CACNA1A: variants seen among roughly 807,000 people sequenced by gnomAD.
CACNA1A encodes the protein calcium voltage-gated channel subunit alpha1 A.
CACNA1A carries 57 observed loss-of-function variants against 262.4 expected under a neutral mutation model. The ratio of observed to expected loss-of-function variants is 0.22; its 90% CI spans 0.18 to 0.27. The LOEUF is 0.27. Among genes scored for constraint, CACNA1A ranks in the 10% least tolerant of loss-of-function variants. The pLI is 1.00. For synonymous variants in CACNA1A, 1,431 were observed against 1,419.3 expected (o/e 1.01, Z -0.18); for missense variants, 2,526 against 3,562.8 (o/e 0.71, Z 7.41).
chr19:13,442,500 G>A (rs78245086), intron 3 of CACNA1A, among the ~76,000 whole-genome samples: 3,495 of 152,286 alleles, frequency 0.023, 129 homozygotes, highest in African/African-American at 0.078. Context: ...GAACTTAGAC[G>A]TAAGCTAGGT....
rs114862428 is a variant in CACNA1A at position 13,459,123 on chromosome 19, C to T, written c.294-3911G>A. 4.9e-3 allele frequency among the ~76,000 whole-genome samples: 753 copies of T among 152,190 alleles called. 8 individuals carry two copies. Among genetic ancestry groups the T allele is most frequent in the African/African-American group, 0.016 (668 of 41,516 alleles). On this transcript the variant is annotated intron_variant, in intron 1 of 46. Transcript: ENST00000360228. ...GTGTCCCCTGGGGGCACTGAAATCC[C>T]GCATTCTGTAGAGAGATCAATTAGT...
At chr19:13,287,856 G>T (rs145603306) in intron 19 of CACNA1A, among the ~76,000 whole-genome samples, 2 of 149,638 alleles carry the variant, frequency 1.3e-5, no homozygotes, top group Non-Finnish European at 3.0e-5. Flanking sequence ...AGGCTGGAGA[G>T]CAGTGGCAGG....
At chr19:13,407,516 T>C (rs1310892092) in intron 3 of CACNA1A, among the ~76,000 whole-genome samples, 1 of 152,220 alleles carries the variant, frequency 6.6e-6, no homozygotes, top group Non-Finnish European at 1.5e-5. Context: ...AGCACTTGTA[T>C]ACAGTAGACA....
intron 1 of CACNA1A, among the ~76,000 whole-genome samples, chr19:13,481,952 T>C (rs1979372915): frequency 6.6e-6 from 1 of 152,034 alleles, no homozygotes; most frequent in Non-Finnish European, 1.5e-5. Context: ...AGACCCCCAC[T>C]ATCTCAGTTC....
intron 30 of CACNA1A, among the ~76,000 whole-genome samples, chr19:13,249,462 C>T (rs1363033051): frequency 6.6e-6 from 1 of 152,136 alleles, no homozygotes; most frequent in Non-Finnish European, 1.5e-5. Context: ...CTGAATCCAT[C>T]CTCTCACCTC....
At chr19:13,331,329 C>T (rs1219661065) in intron 9 of CACNA1A, among the ~76,000 whole-genome samples, 5 of 151,196 alleles carry the variant, frequency 3.3e-5, no homozygotes, top group African/African-American at 1.2e-4. Context: ...TTCCGTCTCC[C>T]AGGTTCAAGC....
At chr19:13,490,475 T>C (rs1342089390) in intron 1 of CACNA1A, among the ~76,000 whole-genome samples, 3 of 152,042 alleles carry the variant, frequency 2.0e-5, no homozygotes, top group African/African-American at 7.2e-5. Flanking sequence ...TGGTGGCGCG[T>C]GCCTGTAGTC....
At chr19:13,244,955 G>A in intron 31 of CACNA1A, 1 of 580,382 alleles carries the variant, frequency 1.7e-6, no homozygotes, top group Non-Finnish European at 3.1e-6. Context: ...ACCCCTCAGT[G>A]CTGGCCCTAC....
chr19:13,280,933 T>C (rs1162061803), intron 22 of CACNA1A, among the ~76,000 whole-genome samples: 16 of 81,566 alleles, frequency 2.0e-4, no homozygotes, highest in African/African-American at 5.8e-4. Flanking sequence ...AGAGCAAGAC[T>C]CCATCTCAAA....
intron 19 of CACNA1A, among the ~76,000 whole-genome samples, chr19:13,294,510 T>TTTTTTTTTTTTTTTTA (rs2057620485): frequency 7.1e-6 from 1 of 140,124 alleles, no homozygotes; most frequent in African/African-American, 2.6e-5. Context: ...TTTTTTTTTT[T>TTTTTTTTTTTTTTTTA]GAGACAGAGT....
intron 3 of CACNA1A, among the ~76,000 whole-genome samples, chr19:13,373,712 AAC>A (rs2059360993): frequency 6.6e-6 from 1 of 152,210 alleles, no homozygotes; most frequent in East Asian, 1.9e-4. Flanking sequence ...ATCCTAAACT[AAC>A]ACAAAGCAAG....
intron 34 of CACNA1A, chr19:13,234,716 G>A (rs916705960): frequency 2.7e-5 from 15 of 555,008 alleles, no homozygotes; most frequent in Non-Finnish European, 1.9e-5. Flanking sequence ...CCTATCGGAA[G>A]AGAAGGCCGG....
chr19:13,369,589 TGA>T (rs1233931269), intron 4 of CACNA1A, among the ~76,000 whole-genome samples: 4 of 152,198 alleles, frequency 2.6e-5, no homozygotes, highest in African/African-American at 9.6e-5. Context: ...TACGATTAGA[TGA>T]GAGAGTTCAC....
intron 3 of CACNA1A, among the ~76,000 whole-genome samples, chr19:13,413,490 T>G (rs549872125): frequency 1.3e-5 from 2 of 148,352 alleles, no homozygotes; most frequent in Non-Finnish European, 3.0e-5. Flanking sequence ...GAGGATCCCT[T>G]GAGCCCAGGA....
intron 19 of CACNA1A, among the ~76,000 whole-genome samples, chr19:13,291,317 C>T (rs1327487183): frequency 1.3e-5 from 2 of 151,910 alleles, no homozygotes; most frequent in Admixed American, 6.6e-5. Flanking sequence ...TTGCTTATCT[C>T]GTGTCCCCAC....
At chr19:13,338,318 CTGT>C (rs1375738556) in intron 6 of CACNA1A, among the ~76,000 whole-genome samples, 1 of 152,206 alleles carries the variant, frequency 6.6e-6, no homozygotes, top group African/African-American at 2.4e-5. Context: ...CATATTTGAT[CTGT>C]TGTTGACCAA....
At chr19:13,484,403 C>T (rs1197635116) in intron 1 of CACNA1A, among the ~76,000 whole-genome samples, 1 of 152,138 alleles carries the variant, frequency 6.6e-6, no homozygotes, top group Non-Finnish European at 1.5e-5. Context: ...ATACCCTTGG[C>T]AGGATCACAA....
intron 3 of CACNA1A, among the ~76,000 whole-genome samples, chr19:13,403,132 C>T (rs999633077): frequency 1.3e-5 from 2 of 151,698 alleles, no homozygotes; most frequent in African/African-American, 2.4e-5. Flanking sequence ...TTCCCACCTG[C>T]GAACACACCA....
At chr19:13,440,235 A>T (rs1205091366) in intron 3 of CACNA1A, among the ~76,000 whole-genome samples, 1 of 152,208 alleles carries the variant, frequency 6.6e-6, no homozygotes, top group African/African-American at 2.4e-5. Context: ...AAGTGCTGGG[A>T]TTACAGGCGT....
Sources: allele counts gnomAD v4.1 joint callset (sites outside exome capture counted in the v4.1 genomes callset), GRCh38; gene constraint gnomAD v4.1.1; transcripts MANE v1.5; gene names NCBI Gene and HGNC (gene_info 2026-07-23, HGNC 2026-07-21).